LAMA2: variants seen among roughly 807,000 people sequenced by gnomAD.
LAMA2 encodes the protein laminin subunit alpha 2.
A neutral mutation model predicts 364.8 loss-of-function variants in LAMA2; 269 were observed. The observed-to-expected ratio is 0.74, with a 90% CI of 0.67 to 0.82. The LOEUF is 0.82. LAMA2 is among the 40% of genes least tolerant of loss of function. The pLI is 0.00. For missense variants in LAMA2, 3,807 were observed against 3,873.2 expected (o/e 0.98, Z 0.45); for synonymous variants, 1,379 against 1,370.6 (o/e 1.01, Z -0.14).
chr6:129,203,347 G>A (rs1005828971), intron 12 of LAMA2, among the ~76,000 whole-genome samples: 1 of 152,184 alleles, frequency 6.6e-6, no homozygotes, highest in African/African-American at 2.4e-5. Flanking sequence ...ACTAGCCTAC[G>A]TGCATATGGG....
chr6:129,478,551 G>A (rs1423930486), intron 53 of LAMA2, 142 bp from the exon 54 acceptor site: 1 of 821,308 alleles, frequency 1.2e-6, no homozygotes, highest in African/African-American at 1.7e-5. Context: ...GGAAACCAGA[G>A]TTTGCTGGGT....
intron 1 of LAMA2, among the ~76,000 whole-genome samples, chr6:128,941,538 A>G (rs953832112): frequency 4.6e-5 from 7 of 152,196 alleles, no homozygotes; most frequent in African/African-American, 7.2e-5. Context: ...CTTGACTGTG[A>G]CATTTAACTT....
chr6:129,028,413 G>A (rs1785985165), intron 1 of LAMA2, among the ~76,000 whole-genome samples: 1 of 151,726 alleles, frequency 6.6e-6, no homozygotes, highest in Non-Finnish European at 1.5e-5. Context: ...GGGAAAGAGG[G>A]ATGATAAATA....
At chr6:129,135,389 T>C (rs1380228935) in intron 4 of LAMA2, among the ~76,000 whole-genome samples, 1 of 152,208 alleles carries the variant, frequency 6.6e-6, no homozygotes, top group African/African-American at 2.4e-5. Flanking sequence ...CCTTCCTCTG[T>C]GGGTAGTGAT....
intron 12 of LAMA2, among the ~76,000 whole-genome samples, chr6:129,239,237 A>G (rs1785229355): frequency 6.6e-6 from 1 of 152,192 alleles, no homozygotes; most frequent in African/African-American, 2.4e-5. Flanking sequence ...CACTCCTGTC[A>G]CACACAGCTA....
At chr6:128,972,977 A>G (rs1224013266) in intron 1 of LAMA2, among the ~76,000 whole-genome samples, 4 of 152,138 alleles carry the variant, frequency 2.6e-5, no homozygotes, top group African/African-American at 7.2e-5. Flanking sequence ...GAGATATACA[A>G]TTTCAACTGA....
chr6:129,058,671 G>A (rs920505520), intron 2 of LAMA2, among the ~76,000 whole-genome samples: 5 of 152,134 alleles, frequency 3.3e-5, no homozygotes, highest in Non-Finnish European at 7.4e-5. Flanking sequence ...AAGACTGGCC[G>A]CAAAAAGCTT....
In LAMA2 at chr6:129,498,267, G is replaced by GA. The variant is rs368998700; in HGVS notation, c.8245-4388dup. Among the ~76,000 whole-genome samples, 207 of 152,254 alleles carry GA rather than the reference G, an allele frequency of 1.4e-3. 1 individual carries two copies. The highest frequency in any genetic ancestry group is 4.6e-3 in the African/African-American group (191 of 41,502). On this transcript the variant is annotated intron_variant, in intron 58 of 64. Coordinates refer to ENST00000421865, the MANE Select transcript of LAMA2 (RefSeq NM_000426.4). ...TGATGAGCTCTCTTTGGGATTTGGG[G>GA]AAAAGAAGTGAGCACAGAAGGAAAG...
Position 128,941,686 on chromosome 6 carries a change from A to G in LAMA2, c.112+58329A>G, listed in dbSNP as rs574700971. On this transcript the variant is annotated intron_variant, in intron 1 of 64. Transcript: ENST00000421865. ...TGCTCAGAACTAAAAAATAAAAATA[A>G]TGGAGATGGTAAATATATAAGTGAG... Among the ~76,000 whole-genome samples, 7 of 152,326 alleles carry G rather than the reference A, an allele frequency of 4.6e-5. No individual in the cohort carries two copies. In the South Asian group the frequency reaches 1.2e-3, roughly 27 times the overall value.
chr6:129,356,355 C>CT (rs1037073793), intron 32 of LAMA2, among the ~76,000 whole-genome samples: 8 of 152,050 alleles, frequency 5.3e-5, no homozygotes, highest in Non-Finnish European at 1.2e-4. Context: ...TCTAAAGTCC[C>CT]TTTTACCACA....
At chr6:129,022,733 G>T (rs1785520201) in intron 1 of LAMA2, among the ~76,000 whole-genome samples, 1 of 152,092 alleles carries the variant, frequency 6.6e-6, no homozygotes, top group African/African-American at 2.4e-5. Flanking sequence ...AATTTTCATA[G>T]CTACAAACCG....
rs575913874 is a variant in LAMA2 at position 129,183,209 on chromosome 6, G to A, written c.1467+5343G>A. On this transcript the variant is annotated intron_variant, in intron 10 of 64. Coordinates refer to ENST00000421865, the MANE Select transcript of LAMA2 (RefSeq NM_000426.4). ...TGACAAGTCATTGACTATAAGTGCT[G>A]TCTGACTCTCAGTATTTGTTTATTT... Among the ~76,000 whole-genome samples, 6 of 152,076 alleles carry A rather than the reference G, an allele frequency of 3.9e-5. No homozygotes were observed. In the South Asian group the frequency reaches 1.2e-3, roughly 32 times the overall value.
intron 12 of LAMA2, among the ~76,000 whole-genome samples, chr6:129,196,300 C>T (rs947136886): frequency 2.6e-5 from 4 of 152,194 alleles, no homozygotes; most frequent in South Asian, 2.1e-4. Flanking sequence ...TTCTACTTCA[C>T]GGATCTCAAA....
At chr6:129,190,020 T>C (rs535137843) in intron 10 of LAMA2, among the ~76,000 whole-genome samples, 185 bp from the exon 11 acceptor site, 2 of 152,292 alleles carry the variant, frequency 1.3e-5, no homozygotes, top group South Asian at 2.1e-4. Flanking sequence ...CTCACCAGTG[T>C]AATTAGAAAG....
intron 12 of LAMA2, among the ~76,000 whole-genome samples, chr6:129,235,723 C>A (rs898128271): frequency 1.3e-5 from 2 of 152,060 alleles, no homozygotes; most frequent in Admixed American, 1.3e-4. Flanking sequence ...GAAAAATCAC[C>A]AACGCTCTCA....
At chr6:129,125,726 C>G (rs1005837147) in intron 4 of LAMA2, among the ~76,000 whole-genome samples, 5 of 152,090 alleles carry the variant, frequency 3.3e-5, no homozygotes. Context: ...AAAACTTGCA[C>G]AGCATGGTGA....
At chr6:129,043,151 T>A (rs1452938884) in intron 1 of LAMA2, among the ~76,000 whole-genome samples, 2 of 152,182 alleles carry the variant, frequency 1.3e-5, no homozygotes, top group African/African-American at 2.4e-5. Context: ...ACAAACTTTT[T>A]AATATTTGAT....
chr6:129,263,804 G>C (rs1231000028), intron 15 of LAMA2, among the ~76,000 whole-genome samples: 4 of 152,074 alleles, frequency 2.6e-5, no homozygotes, highest in Non-Finnish European at 5.9e-5. Flanking sequence ...CAGTGATGCT[G>C]TCATAGCTTG....
At chr6:129,115,859 A>T (rs1227397613) in intron 4 of LAMA2, among the ~76,000 whole-genome samples, 1 of 152,176 alleles carries the variant, frequency 6.6e-6, no homozygotes, top group Non-Finnish European at 1.5e-5. Flanking sequence ...TAATTTACAT[A>T]ACACATCCGA....
Sources: gnomAD v4.1 joint callset for allele counts (sites outside exome capture counted in the v4.1 genomes callset) on GRCh38, gnomAD v4.1.1 for gene constraint, MANE v1.5 for transcripts, NCBI Gene and HGNC (gene_info 2026-07-23, HGNC 2026-07-21) for gene names.